Variants in ODAD3 observed in about 807,000 individuals in gnomAD.
ODAD3 encodes outer dynein arm-docking complex subunit 3.
In ODAD3, 57 loss-of-function variants were observed where a neutral mutation model predicts 70.9. That is an observed-to-expected ratio of 0.80 (90% CI 0.65 to 1.00). ODAD3 has a LOEUF of 1.00. Among genes scored for constraint, ODAD3 ranks in the 50% least tolerant of loss-of-function variants. The probability of loss-of-function intolerance (pLI) is 0.00; values close to 1 mark genes in which losing one functional copy is unlikely to be tolerated. For synonymous variants in ODAD3, 327 were observed against 315.9 expected (o/e 1.04, Z -0.37); for missense variants, 797 against 763.9 (o/e 1.04, Z -0.51).
rs201801600 is a variant in ODAD3 at position 11,428,858 on chromosome 19, ATTT to A, written c.445-1821_445-1819del. 6.8e-4 allele frequency among the ~76,000 whole-genome samples: 98 copies of A among 143,236 alleles called. 2 individuals are homozygous for A. The highest frequency in any genetic ancestry group is 3.7e-3 in the Middle Eastern group (1 of 272). 94.0% of individuals were successfully genotyped at this position (143,236 alleles called of 152,430 possible). On this transcript the variant is annotated intron_variant, in intron 3 of 12. Coordinates refer to ENST00000356392, the MANE Select transcript of ODAD3 (RefSeq NM_145045.5). ...AGCCACCATGCCTAGACTGTGTTTT[ATTT>A]TTTATTTATTTATTTATTTATTTAT...
intron 7 of ODAD3, among the ~76,000 whole-genome samples, chr19:11,425,194 T>C (rs537086948): frequency 1.5e-5 from 2 of 132,812 alleles, no homozygotes; most frequent in Non-Finnish European, 3.0e-5. Context: ...TATATATACA[T>C]ATGTGTATGT....
At chr19:11,426,103 C>T (rs1463652573) in intron 7 of ODAD3, 41 bp downstream of exon 7, 3 of 1,590,356 alleles carry the variant, frequency 1.9e-6, no homozygotes, top group Non-Finnish European at 2.6e-6. Flanking sequence ...TTGTGCTGGG[C>T]TGGGCTGGAG....
chr19:11,426,155 T>C lies in ODAD3; in HGVS notation c.952A>G (p.Met318Val), dbSNP rs768744014. 3.7e-6 allele frequency: 6 copies of C among 1,610,294 alleles called. No individual in the cohort carries two copies. The South Asian group carries it at 4.4e-5, about 12-fold the overall frequency. Reference sequence around the variant, plus strand: ...CTGGGTGCGCCCACCTTGCGCTCCATGCGCTCGTTCTCCAGTTTCTTCTCC... The same window carrying C: ...CTGGGTGCGCCCACCTTGCGCTCCACGCGCTCGTTCTCCAGTTTCTTCTCC... Reference protein sequence around the residue: ...AEEKKLENERMERKTHREHLL... With the variant: ...AEEKKLENERVERKTHREHLL... The change falls in exon 7 of 13, where the codon ATG (methionine) becomes GTG (valine). Residue 318 changes from methionine (M) to valine (V), a missense_variant. Met to Val is a conservative substitution (Grantham distance 21). Transcript: ENST00000356392.
rs1395360055 is a variant in ODAD3, at chr19:11,425,688, AACAACAACT to A, written c.963+447_963+455del. On this transcript the variant is annotated intron_variant, in intron 7 of 12. Coordinates refer to ENST00000356392, the MANE Select transcript of ODAD3 (RefSeq NM_145045.5). Reference sequence around the variant, plus strand: ...ATATATATGCAAAAAAAACCTATCAAACAACAACTACAACAACAACAACCCAAAAAACAA... The same window carrying A: ...ATATATATGCAAAAAAAACCTATCAAACAACAACAACAACCCAAAAAACAA... Among the ~76,000 whole-genome samples the A allele has an allele frequency of 6.0e-5, 8 of 134,132 alleles. No homozygotes were observed. In the East Asian group the frequency reaches 1.6e-3, roughly 26 times the overall value. 88.0% of individuals were successfully genotyped at this position (134,132 alleles called of 152,430 possible).
intron 7 of ODAD3, among the ~76,000 whole-genome samples, chr19:11,425,318 T>C (rs1192611599): frequency 7.1e-6 from 1 of 141,022 alleles, no homozygotes; most frequent in Admixed American, 7.0e-5. Flanking sequence ...TGTACATATG[T>C]GTATATGTAC....
At position 11,422,955 on chromosome 19, in the gene ODAD3, G is replaced by C; in HGVS notation, c.1117-94C>G. The C allele has an allele frequency of 2.1e-6, 3 of 1,429,786 alleles. No individual in the cohort carries two copies. Among genetic ancestry groups the C allele is most frequent in the Non-Finnish European group, 2.8e-6 (3 of 1,065,438 alleles). The allele number at this position is 1,429,786 out of a possible 1,614,324, so 88.6% of individuals were successfully genotyped here. ...CCACCCTGCGAACCCTCGCACGCAG[G>C]ACAGGTGGCCTGAGCTGGCGCCTTT... On this transcript the variant is annotated intron_variant, in intron 8 of 12. Transcript: ENST00000356392. This position sits in a 1 kb window ranked among gnomAD's most constrained non-coding sequence, Gnocchi z 4.6.
Position 11,422,613 on chromosome 19 carries a change from T to A in ODAD3, c.1292A>T (p.Gln431Leu). ...EATLVSQQKL[Q>L]AEAQERLKKE... ...CTTGAGACGCTCCTGCGCCTCGGCT[T>A]GCAGTTTCTGCTGGCTGCAGGGAGC... The change falls in exon 10 of 13, where the codon CAA (glutamine) becomes CTA (leucine). Residue 431 changes from glutamine to leucine, a missense_variant. By Grantham distance (113) the Gln-to-Leu change is moderately radical. Transcript: ENST00000356392. The surrounding 1 kb of genome is among the most constrained non-coding windows in gnomAD (Gnocchi z 4.6). 1 of 1,599,554 alleles carries A rather than the reference T, an allele frequency of 6.3e-7. No homozygotes were observed. Among genetic ancestry groups the A allele is most frequent in the African/African-American group, 1.3e-5 (1 of 74,890 alleles).
At chr19:11,434,713 A>C in intron 1 of ODAD3, 60 bp downstream of exon 1, 2 of 1,540,744 alleles carry the variant, frequency 1.3e-6, no homozygotes, top group Non-Finnish European at 1.8e-6. Context: ...TTGTCACACC[A>C]TGAAGATTGG....
intron 7 of ODAD3, 85 bp from the exon 8 acceptor site, chr19:11,424,114 C>T (rs905437426): frequency 4.0e-6 from 6 of 1,498,242 alleles, no homozygotes; most frequent in African/African-American, 1.4e-5. Context: ...CAGATAGGGG[C>T]CCGCGAGGAA....
chr19:11,425,428 CATATGTGTATATGTATATATACAT>C (rs1443148470), intron 7 of ODAD3, among the ~76,000 whole-genome samples: 2 of 128,474 alleles, frequency 1.6e-5, no homozygotes, highest in Admixed American at 7.8e-5. Context: ...TGTATATACA[CATATGTGTATATGTATATATACAT>C]ATATGTGTGT....
chr19:11,421,257 G>A, intron 11 of ODAD3, 45 bp from the exon 12 acceptor site: 1 of 1,555,914 alleles, frequency 6.4e-7, no homozygotes, highest in Non-Finnish European at 8.7e-7. Flanking sequence ...GCGGGGCCAG[G>A]GGCCACCGAG....
At chr19:11,432,140 C>T (rs1161955022) in intron 1 of ODAD3, among the ~76,000 whole-genome samples, 1 of 151,996 alleles carries the variant, frequency 6.6e-6, no homozygotes, top group Non-Finnish European at 1.5e-5. Flanking sequence ...AACAAAAAAC[C>T]CCAAAATCCT....
In ODAD3 at chr19:11,434,950, G is replaced by C; in HGVS notation, c.67C>G (p.Pro23Ala). Residue 23 changes from proline (P) to alanine (A), a missense_variant, in exon 1 of 13, where the codon CCC (proline) becomes GCC (alanine). Pro to Ala is a conservative substitution (Grantham distance 27). Transcript: ENST00000356392. ...TCCCTGCCCTTGACCCTGGAAGAGGGCGTCGAAGCCTGGTCCTGAGGAGGC... is the reference window on the plus strand; with the variant it reads ...TCCCTGCCCTTGACCCTGGAAGAGGCCGTCGAAGCCTGGTCCTGAGGAGGC... ...ALPPQDQAST[P>A]SSRVKGREAS... The C allele has an allele frequency of 6.2e-7, 1 of 1,613,902 alleles. No homozygotes were observed. The highest frequency in any genetic ancestry group is 8.5e-7 in the Non-Finnish European group (1 of 1,180,034).
In ODAD3 at chr19:11,426,666, G is replaced by C; in HGVS notation, c.714+17C>G. The C allele has an allele frequency of 1.2e-6, 2 of 1,613,656 alleles. No individual in the cohort carries two copies. Among genetic ancestry groups the C allele is most frequent in the Non-Finnish European group, 1.7e-6 (2 of 1,179,790 alleles). On this transcript the variant is annotated intron_variant, in intron 5 of 12. Coordinates refer to ENST00000356392, the MANE Select transcript of ODAD3 (RefSeq NM_145045.5). Reference sequence around the variant, plus strand: ...CCTCCCTGTTTGTCATCTCACCCGAGCCCTCCTAGTCCCTACCATTAGATA... The same window carrying C: ...CCTCCCTGTTTGTCATCTCACCCGACCCCTCCTAGTCCCTACCATTAGATA...
intron 3 of ODAD3, among the ~76,000 whole-genome samples, chr19:11,427,908 G>A (rs1969419343): frequency 6.6e-6 from 1 of 151,758 alleles, no homozygotes; most frequent in African/African-American, 2.4e-5. Context: ...AGACCATCCT[G>A]GCTAACACGG....
rs565704089 is a variant in ODAD3 at position 11,425,319 on chromosome 19, G to GTA, written c.963+823_963+824dup. Among the ~76,000 whole-genome samples the GTA allele has an allele frequency of 2.1e-4, 28 of 133,432 alleles. 2 individuals are homozygous for GTA. The highest frequency in any genetic ancestry group is 6.6e-4 in the East Asian group (3 of 4,524). 87.5% of individuals were successfully genotyped at this position (133,432 alleles called of 152,430 possible). A position where few individuals can be genotyped will look rare whatever the true frequency, so the allele number is the denominator to read the frequency against. Reference sequence around the variant, plus strand: ...TATATATGTGTATGTGTACATATGTGTATATGTACATATGTGTATATATGT... The same window carrying GTA: ...TATATATGTGTATGTGTACATATGTGTATATATGTACATATGTGTATATATGT... On this transcript the variant is annotated intron_variant, in intron 7 of 12. Coordinates refer to ENST00000356392, the MANE Select transcript of ODAD3 (RefSeq NM_145045.5).
At position 11,426,149 on chromosome 19, in the gene ODAD3, G is replaced by C. The variant is rs775771507; in HGVS notation, c.958C>G (p.Arg320Gly). The C allele has an allele frequency of 3.7e-6, 6 of 1,608,812 alleles. No individual in the cohort carries two copies. The Admixed American group carries it at 1.0e-4, about 27-fold the overall frequency. The change falls in exon 7 of 13, where the codon CGC becomes GGC. Residue 320 changes from arginine (R) to glycine (G), a missense_variant. Physicochemically the swap from Arg to Gly is moderately radical, Grantham distance 125 (BLOSUM62 -2). Transcript: ENST00000356392. Reference protein sequence around the residue: ...EKKLENERMERKTHREHLLLQ... With the variant: ...EKKLENERMEGKTHREHLLLQ... ...GCACCCCTGGGTGCGCCCACCTTGC[G>C]CTCCATGCGCTCGTTCTCCAGTTTC...
At chr19:11,431,891 C>T (rs1338850309) in intron 1 of ODAD3, among the ~76,000 whole-genome samples, 4 of 146,410 alleles carry the variant, frequency 2.7e-5, no homozygotes, top group Non-Finnish European at 4.5e-5. Flanking sequence ...TGCAGTGAGC[C>T]GAGATCGCAC....
At position 11,421,163 on chromosome 19, in the gene ODAD3, G is replaced by T; in HGVS notation, c.1640C>A (p.Ala547Asp). 2 of 1,613,760 alleles carry T rather than the reference G, an allele frequency of 1.2e-6. No homozygotes were observed. The highest frequency in any genetic ancestry group is 4.5e-5 in the East Asian group (2 of 44,856). The change falls in exon 12 of 13, where the codon GCC becomes GAC. Residue 547 changes from alanine (A) to aspartate (D), a missense_variant. Transcript: ENST00000356392. ...GRLPEYNTRI[A>D]LPLATSKDKF... Reference sequence around the variant, plus strand: ...GTCCTTGGAAGTGGCAAGGGGCAGGGCGATGCGGGTGTTGTATTCGGGCAG... The same window carrying T: ...GTCCTTGGAAGTGGCAAGGGGCAGGTCGATGCGGGTGTTGTATTCGGGCAG...
Sources: gnomAD v4.1 joint callset for allele counts (sites outside exome capture counted in the v4.1 genomes callset) on GRCh38, gnomAD v4.1.1 for gene constraint, Gnocchi (gnomAD v3.1) non-coding constraint, MANE v1.5 for transcripts, NCBI Gene and HGNC (gene_info 2026-07-23, HGNC 2026-07-21) for gene names.